The following MGA variants were observed in gnomAD, a reference collection of about 807,000 sequenced individuals.
MGA encodes the protein MAX dimerization protein MGA, also known as MAX gene-associated protein.
Under a neutral mutation model 261.1 loss-of-function variants are expected in MGA, and 40 were observed. The ratio of observed to expected loss-of-function variants is 0.15; its 90% CI spans 0.12 to 0.20. The LOEUF is 0.20. Ranked by LOEUF, MGA falls within the 10% of genes least tolerant of loss-of-function variation. The pLI is 1.00. For missense variants in MGA, 3,397 were observed against 3,630.5 expected (o/e 0.94, Z 1.65); for synonymous variants, 1,302 against 1,290.6 (o/e 1.01, Z -0.19).
upstream of MGA, among the ~76,000 whole-genome samples, chr15:41,656,570 G>C (rs905105850): frequency 6.6e-6 from 1 of 151,226 alleles, no homozygotes; most frequent in Non-Finnish European, 1.5e-5. Context: ...ATGTTGCCCA[G>C]GCTGCTCTCA....
upstream of MGA, among the ~76,000 whole-genome samples, chr15:41,656,682 C>T (rs953648055): frequency 6.6e-5 from 10 of 151,866 alleles, no homozygotes; most frequent in South Asian, 1.0e-3. Context: ...GATTATATTC[C>T]GTAACATTTC....
chr15:41,678,062 T>C (rs1267718676), intron 2 of MGA, among the ~76,000 whole-genome samples: 1 of 152,088 alleles, frequency 6.6e-6, no homozygotes, highest in Non-Finnish European at 1.5e-5. Context: ...GTTTTACCTC[T>C]TAAGTTTAGG....
chr15:41,644,116 C>A (rs953821144), intron 1 of MGA, among the ~76,000 whole-genome samples: 6 of 151,870 alleles, frequency 4.0e-5, no homozygotes, highest in African/African-American at 1.5e-4. Flanking sequence ...TTTTCATCCT[C>A]TGTGAATTTA....
intron 1 of MGA, among the ~76,000 whole-genome samples, chr15:41,630,196 C>T (rs975083401): frequency 1.3e-5 from 2 of 152,112 alleles, no homozygotes; most frequent in East Asian, 1.9e-4. Flanking sequence ...ACTCTTTCTC[C>T]TCCTGCTGCC....
chr15:41,714,897 G>C (rs920796365), intron 9 of MGA, among the ~76,000 whole-genome samples: 1 of 152,116 alleles, frequency 6.6e-6, no homozygotes, highest in African/African-American at 2.4e-5. Flanking sequence ...TTCTATGATA[G>C]ATTTATTGAC....
Position 41,766,658 on chromosome 15 carries a change from C to G in MGA, c.8576C>G (p.Ala2859Gly), listed in dbSNP as rs769487408. Residue 2859 changes from alanine to glycine, a missense_variant, in exon 24 of 24, where the codon GCT becomes GGT. Physicochemically the swap from Ala to Gly is moderately conservative, Grantham distance 60. This residue lies in a region of MGA where 647 missense variants were observed against 642.4 expected (regional missense o/e 1.01). Transcript: ENST00000219905. ...ATGGATACAGAGTTCCCAGGGGATG[C>G]TCGGCGGGCTTTTATTAGTAAGGTT... 2.5e-6 allele frequency: 4 copies of G among 1,613,884 alleles called. No homozygotes were observed. The African/African-American group carries it at 5.3e-5, about 22-fold the overall frequency.
Position 41,664,769 on chromosome 15 carries a change from C to T in MGA, c.-67-4059C>T, listed in dbSNP as rs149949981. On this transcript the variant is annotated intron_variant, in intron 1 of 23. Coordinates refer to ENST00000219905, the MANE Select transcript of MGA (RefSeq NM_001164273.2). ...TAGAGGTATTTTTTTTTTGCCAGTT[C>T]TTTAAGCTTTAATATTTTACCTTAT... 1.0e-3 allele frequency among the ~76,000 whole-genome samples: 154 copies of T among 151,704 alleles called. 2 individuals carry two copies. The East Asian group carries it at 0.025, about 25-fold the overall frequency.
intron 17 of MGA, among the ~76,000 whole-genome samples, chr15:41,753,437 G>A (rs1240505900): frequency 1.3e-5 from 2 of 151,680 alleles, no homozygotes; most frequent in South Asian, 2.1e-4. Flanking sequence ...TTGTAAAGGT[G>A]GACTTAAAAA....
intron 1 of MGA, among the ~76,000 whole-genome samples, chr15:41,667,543 C>A (rs867732473): frequency 1.3e-5 from 2 of 152,108 alleles, no homozygotes; most frequent in South Asian, 4.1e-4. Context: ...ACTGCTCCCC[C>A]GCCGCTATTA....
At chr15:41,715,919 C>T (rs1423782788) in intron 9 of MGA, among the ~76,000 whole-genome samples, 1 of 152,128 alleles carries the variant, frequency 6.6e-6, no homozygotes, top group African/African-American at 2.4e-5. Context: ...TTCAAAGCAA[C>T]AAAAATAAAA....
chr15:41,695,792 G>T (rs1238008069), intron 2 of MGA, among the ~76,000 whole-genome samples: 1 of 152,156 alleles, frequency 6.6e-6, no homozygotes, highest in East Asian at 1.9e-4. Flanking sequence ...TATGTTTTAT[G>T]TTATGTGAAT....
At chr15:41,656,377 T>TCTCTCTCTCTCTCTCTCTCTCTCTCTCA (rs1555403733), upstream of MGA, among the ~76,000 whole-genome samples, 39 of 68,240 alleles carry the variant, frequency 5.7e-4, no homozygotes, top group South Asian at 1.8e-3. Context: ...TCTCTCTCTC[T>TCTCTCTCTCTCTCTCTCTCTCTCTCTCA]CACACCCAGG....
chr15:41,714,372 A>G (rs1655734327), intron 9 of MGA, among the ~76,000 whole-genome samples: 1 of 152,218 alleles, frequency 6.6e-6, no homozygotes. Context: ...CTTTATTATA[A>G]GCTGTACGGT....
At chr15:41,729,067 T>C in intron 10 of MGA, 97 bp from the exon 11 acceptor site, 1 of 1,268,774 alleles carries the variant, frequency 7.9e-7, no homozygotes, top group South Asian at 1.4e-5. Flanking sequence ...AAATTTCGAC[T>C]GTTGTAATAC....
In MGA at chr15:41,743,097, C is replaced by A. The variant is rs751683147; in HGVS notation, c.5137C>A (p.Pro1713Thr). 19 of 1,613,856 alleles carry A rather than the reference C, an allele frequency of 1.2e-5. No homozygotes were observed. The highest frequency in any genetic ancestry group is 1.5e-5 in the Non-Finnish European group (18 of 1,179,872). The change falls in exon 15 of 24, where the codon CCA (proline) becomes ACA (threonine). Residue 1713 changes from proline (P) to threonine (T), a missense_variant. Pro to Thr is a conservative substitution (Grantham distance 38). Transcript: ENST00000219905. Reference sequence around the variant, plus strand: ...TGCATCTTCCTCCATGGTGACCACACCAACTTCATCTCTGGGCTCTGTTCC... The same window carrying A: ...TGCATCTTCCTCCATGGTGACCACAACAACTTCATCTCTGGGCTCTGTTCC...
intron 1 of MGA, among the ~76,000 whole-genome samples, chr15:41,635,738 A>G (rs1381562326): frequency 2.0e-5 from 3 of 152,138 alleles, no homozygotes; most frequent in Non-Finnish European, 4.4e-5. Flanking sequence ...CTACAAATAC[A>G]TTCATGTGCC....
chr15:41,661,943 C>A (rs887688711), intron 1 of MGA, among the ~76,000 whole-genome samples: 1 of 152,046 alleles, frequency 6.6e-6, no homozygotes, highest in Admixed American at 6.6e-5. Flanking sequence ...GACTCTTCCC[C>A]GGAAGAGCTT....
intron 2 of MGA, among the ~76,000 whole-genome samples, chr15:41,680,471 G>T (rs961670877): frequency 6.6e-6 from 1 of 152,130 alleles, no homozygotes; most frequent in African/African-American, 2.4e-5. Flanking sequence ...CAACAAGACT[G>T]CACCTAGTTG....
intron 1 of MGA, among the ~76,000 whole-genome samples, chr15:41,628,246 G>A (rs991068292): frequency 3.3e-5 from 5 of 151,680 alleles, no homozygotes; most frequent in African/African-American, 4.8e-5. Flanking sequence ...GGTGGTGCAC[G>A]CCTGTAGTCC....
Sources: allele counts gnomAD v4.1 joint callset (sites outside exome capture counted in the v4.1 genomes callset), GRCh38; gene constraint gnomAD v4.1.1; regional missense constraint gnomAD v4.1.1; transcripts MANE v1.5; gene names NCBI Gene and HGNC (gene_info 2026-07-23, HGNC 2026-07-21).